The following ST3GAL6 variants were observed in gnomAD, a reference collection of about 807,000 sequenced individuals.
ST3GAL6 encodes type 2 lactosamine alpha-2,3-sialyltransferase.
A neutral mutation model predicts 40.5 loss-of-function variants in ST3GAL6; 31 were observed. That is an observed-to-expected ratio of 0.77 (90% CI 0.58 to 1.03). The LOEUF (loss-of-function observed/expected upper bound fraction) is 1.03. Among genes scored for constraint, ST3GAL6 ranks in the 50% least tolerant of loss-of-function variants. The probability of loss-of-function intolerance (pLI) is 0.00; values close to 1 mark genes in which losing one functional copy is unlikely to be tolerated. For synonymous variants in ST3GAL6, 129 were observed against 136.9 expected, an observed-to-expected ratio of 0.94 and a Z score of 0.40; for missense variants, 357 against 393.2, an observed-to-expected ratio of 0.91 and a Z score of 0.78.
intron 1 of ST3GAL6, among the ~76,000 whole-genome samples, chr3:98,765,792 C>G (rs1010720252): frequency 1.2e-4 from 18 of 152,110 alleles, no homozygotes; most frequent in Admixed American, 1.0e-3. Context: ...GTAATCAAAG[C>G]TATATTAAAG....
At chr3:98,739,537 G>T (rs375044555) in intron 1 of ST3GAL6, among the ~76,000 whole-genome samples, 17 of 152,186 alleles carry the variant, frequency 1.1e-4, no homozygotes, top group African/African-American at 3.9e-4. Context: ...TCTTAGTGGG[G>T]TTTTCAGCTT....
chr3:98,761,506 G>A (rs1056862848), upstream of ST3GAL6, among the ~76,000 whole-genome samples: 2 of 151,864 alleles, frequency 1.3e-5, no homozygotes, highest in African/African-American at 4.8e-5. Context: ...CTACTTGGGA[G>A]GCTGAAGCAG....
At chr3:98,791,768 C>A in intron 8 of ST3GAL6, 73 bp from the exon 9 acceptor site, 1 of 1,373,106 alleles carries the variant, frequency 7.3e-7, no homozygotes, top group Admixed American at 2.1e-5. Flanking sequence ...TTATATGATT[C>A]AGCCAACCAA....
rs563159395 is a variant in ST3GAL6, at chr3:98,747,911, G to A, written c.-12+15379G>A. 4.6e-5 allele frequency among the ~76,000 whole-genome samples: 7 copies of A among 152,184 alleles called. No individual in the cohort carries two copies. In the South Asian group the frequency reaches 1.5e-3, roughly 32 times the overall value. ...GAGGAGAGGAATGGGGGTAGGGAAG[G>A]GACCATAAATCTAGTTTAAAAATAT... On this transcript the variant is annotated intron_variant, in intron 1 of 9. Transcript: ENST00000265261.
rs1941447804 is a variant in ST3GAL6, at chr3:98,794,438, A to G, written c.*677A>G. ...TTTTAAAGAAATGAAGTTTAACTTT[A>G]TACAGTGAAGCTAAGCTAGGCAAGC... On this transcript the variant is annotated 3_prime_UTR_variant, in exon 10 of 10. Coordinates refer to ENST00000483910, the MANE Select transcript of ST3GAL6 (RefSeq NM_001323368.2). 7.4e-6 allele frequency: 1 copy of G among 135,036 alleles called. No individual in the cohort carries two copies. Among genetic ancestry groups the G allele is most frequent in the African/African-American group, 2.8e-5 (1 of 36,262 alleles). 8.4% of individuals were successfully genotyped at this position (135,036 alleles called of 1,614,324 possible).
Position 98,788,223 on chromosome 3 carries a change from G to C in ST3GAL6, c.618+1G>C, listed in dbSNP as rs1351190804. ...GGAATTGTTGATGGGTGACAAAATA[G>C]TAAGTAGGCAAAATTGTTCTGCCTT... On this transcript the variant is annotated splice_donor_variant, in intron 7 of 9. Transcript: ENST00000483910. LOFTEE classifies it high-confidence loss of function. The C allele has an allele frequency of 1.2e-6, 2 of 1,605,510 alleles. No individual in the cohort carries two copies. The highest frequency in any genetic ancestry group is 2.7e-5 in the African/African-American group (2 of 74,638).
intron 1 of ST3GAL6, among the ~76,000 whole-genome samples, chr3:98,748,488 C>G (rs927905511): frequency 3.3e-5 from 5 of 152,084 alleles, no homozygotes; most frequent in African/African-American, 1.2e-4. Context: ...TTTTTTGAGA[C>G]AGAGTCTTGC....
chr3:98,788,016 G>T lies in ST3GAL6; in HGVS notation c.432-20G>T, dbSNP rs748960891. ...ATACTGCACTTGGTCTACATATCTT[G>T]TATGTTTTACTATCCACAGAATGAA... is the stretch of plus-strand genomic sequence containing the variant. On this transcript the variant is annotated intron_variant, in intron 6 of 9. Coordinates refer to ENST00000483910, the MANE Select transcript of ST3GAL6 (RefSeq NM_001323368.2). 2.3e-5 allele frequency: 37 copies of T among 1,603,668 alleles called. No homozygotes were observed. Among genetic ancestry groups the T allele is most frequent in the South Asian group, 3.4e-5 (3 of 89,206 alleles).
At position 98,795,419 on chromosome 3, in the gene ST3GAL6, A is replaced by ATGTT. The variant is rs1303954614; in HGVS notation, c.*1661_*1664dup. 6.6e-6 allele frequency: 1 copy of ATGTT among 152,220 alleles called. No individual in the cohort carries two copies. Among genetic ancestry groups the ATGTT allele is most frequent in the Admixed American group, 6.5e-5 (1 of 15,282 alleles). The allele number at this position is 152,220 out of a possible 1,614,324, so 9.4% of individuals were successfully genotyped here. On this transcript the variant is annotated 3_prime_UTR_variant, in exon 10 of 10. Transcript: ENST00000483910. The stretch of plus-strand genomic sequence containing the variant: ...CCAGATTAGACATGAATACCAGCAT[A>ATGTT]TGTTTGCAGAGTCCCACAGTTTTGA...
chr3:98,751,157 C>A (rs1936981789), intron 1 of ST3GAL6, among the ~76,000 whole-genome samples: 1 of 152,012 alleles, frequency 6.6e-6, no homozygotes, highest in Non-Finnish European at 1.5e-5. Flanking sequence ...TTCTCCCTGC[C>A]TCAGCCTCCC....
At chr3:98,770,625 C>A in intron 2 of ST3GAL6, 1 of 394,894 alleles carries the variant, frequency 2.5e-6, no homozygotes. Context: ...TCCTTTGAAT[C>A]ATTGCTCTTG....
intron 1 of ST3GAL6, among the ~76,000 whole-genome samples, chr3:98,737,007 C>G (rs1039868885): frequency 6.6e-6 from 1 of 152,130 alleles, no homozygotes; most frequent in African/African-American, 2.4e-5. Flanking sequence ...TGATGAGAGC[C>G]TAATTCAGTC....
chr3:98,752,154 G>A (rs753022413), intron 1 of ST3GAL6, among the ~76,000 whole-genome samples: 4 of 152,140 alleles, frequency 2.6e-5, no homozygotes, highest in Non-Finnish European at 4.4e-5. Flanking sequence ...AATTTTACAA[G>A]TTTTATGTGG....
chr3:98,734,753 T>C (rs900731771), intron 1 of ST3GAL6, among the ~76,000 whole-genome samples: 2 of 152,200 alleles, frequency 1.3e-5, no homozygotes, highest in African/African-American at 2.4e-5. Context: ...TTAAGAGACA[T>C]ACCATTTAAA....
chr3:98,733,908 G>T (rs935397968), intron 1 of ST3GAL6, among the ~76,000 whole-genome samples: 1 of 152,190 alleles, frequency 6.6e-6, no homozygotes, highest in African/African-American at 2.4e-5. Flanking sequence ...AAATAACGTG[G>T]TGACTGCTAG....
Position 98,788,348 on chromosome 3 carries a change from A to C in ST3GAL6, c.641A>C (p.Lys214Thr), listed in dbSNP as rs1245400021. ...DKINTNGFWK[K>T]PALNLIYKPY... is the part of the protein sequence containing the mutation. ...CAGAACACTAATGGTTTTTGGAAGAAACCAGCCTTAAACCTGATTTATAAA... is the reference window on the plus strand; with the variant it reads ...CAGAACACTAATGGTTTTTGGAAGACACCAGCCTTAAACCTGATTTATAAA... The change falls in exon 8 of 10, where the codon AAA (lysine) becomes ACA (threonine). Residue 214 changes from lysine to threonine, a missense_variant. Lys to Thr is a moderately conservative substitution (Grantham distance 78). Transcript: ENST00000483910. 3 of 1,610,594 alleles carry C rather than the reference A, an allele frequency of 1.9e-6. No homozygotes were observed. Among genetic ancestry groups the C allele is most frequent in the Non-Finnish European group, 1.7e-6 (2 of 1,179,008 alleles).
intron 8 of ST3GAL6, among the ~76,000 whole-genome samples, chr3:98,791,326 A>T (rs1208218961): frequency 1.3e-5 from 2 of 152,234 alleles, no homozygotes; most frequent in East Asian, 1.9e-4. Flanking sequence ...TCATTGAAGT[A>T]CTAGATTAGC....
At chr3:98,756,403 T>G in intron 1 of ST3GAL6, 2 of 1,289,830 alleles carry the variant, frequency 1.6e-6, no homozygotes, top group Non-Finnish European at 2.0e-6. Context: ...AACCCTGGGT[T>G]TTAGATAATT....
chr3:98,759,924 G>T (rs1285012997), upstream of ST3GAL6, among the ~76,000 whole-genome samples: 4 of 152,044 alleles, frequency 2.6e-5, no homozygotes, highest in Non-Finnish European at 4.4e-5. Context: ...TAGATGGAAG[G>T]ATGAGACTGA....
Sources: gnomAD v4.1 joint callset for allele counts (sites outside exome capture counted in the v4.1 genomes callset) on GRCh38, gnomAD v4.1.1 for gene constraint, MANE v1.5 for transcripts, NCBI Gene and HGNC (gene_info 2026-07-23, HGNC 2026-07-21) for gene names.